STK32A: variants seen among roughly 807,000 people sequenced by gnomAD.
STK32A encodes serine/threonine kinase 32A, also known as serine/threonine-protein kinase 32A.
A neutral mutation model predicts 53.2 loss-of-function variants in STK32A; 41 were observed. The ratio of observed to expected loss-of-function variants is 0.77; its 90% CI spans 0.60 to 1.00. The LOEUF (loss-of-function observed/expected upper bound fraction) is 1.00, where lower values mean the gene tolerates loss of function less well. STK32A is among the 50% of genes least tolerant of loss of function. The pLI is 0.00. For missense variants in STK32A, 458 were observed against 485.8 expected (o/e 0.94, Z 0.54); for synonymous variants, 166 against 162.8 (o/e 1.02, Z -0.15).
chr5:147,257,521 G>C (rs1435727664), intron 2 of STK32A, among the ~76,000 whole-genome samples: 1 of 152,158 alleles, frequency 6.6e-6, no homozygotes, highest in Non-Finnish European at 1.5e-5. Flanking sequence ...AAGAGTAATA[G>C]AATAGATAAA....
intron 2 of STK32A, among the ~76,000 whole-genome samples, chr5:147,269,317 A>G (rs867836381): frequency 6.6e-6 from 1 of 152,202 alleles, no homozygotes; most frequent in African/African-American, 2.4e-5. Context: ...CACCTAGCAC[A>G]ATGGCTGTTA....
intron 2 of STK32A, among the ~76,000 whole-genome samples, chr5:147,246,525 A>T (rs1331829478): frequency 6.6e-6 from 1 of 152,206 alleles, no homozygotes; most frequent in Non-Finnish European, 1.5e-5. Context: ...TTTAATATTT[A>T]TTTCAAAATG....
At position 147,373,346 on chromosome 5, in the gene STK32A, G is replaced by A. The variant is rs185870114; in HGVS notation, c.903+52G>A. 48 of 1,600,632 alleles carry A rather than the reference G, an allele frequency of 3.0e-5. No individual in the cohort carries two copies. The East Asian group carries it at 4.3e-4, about 14-fold the overall frequency. On this transcript the variant is annotated intron_variant, in intron 10 of 12. Coordinates refer to ENST00000397936, the MANE Select transcript of STK32A (RefSeq NM_001112724.2). ...AACTCCCATTCAGTGCGCATTACCC[G>A]GTGTGCCAGATTCACACATTGTCTC... is the stretch of plus-strand genomic sequence containing the variant.
intron 1 of STK32A, among the ~76,000 whole-genome samples, chr5:147,238,433 T>C (rs1254246247): frequency 6.6e-6 from 1 of 152,208 alleles, no homozygotes; most frequent in Non-Finnish European, 1.5e-5. Context: ...GTTACATAAC[T>C]GGGCCAAAGG....
chr5:147,243,422 T>C lies in STK32A; in HGVS notation c.52+3736T>C, dbSNP rs188160626. ...TAATTTTATTAGTTACTTATGTTGA[T>C]CTTTATTCAGCAAAAACAAAGTAGG... On this transcript the variant is annotated intron_variant, in intron 2 of 12. Transcript: ENST00000397936. Among the ~76,000 whole-genome samples, 2 of 120,794 alleles carry C rather than the reference T, an allele frequency of 1.7e-5. 1 individual carries two copies. Among genetic ancestry groups the C allele is most frequent in the African/African-American group, 6.1e-5 (2 of 32,688 alleles). 79.2% of individuals were successfully genotyped at this position (120,794 alleles called of 152,430 possible).
At chr5:147,377,539 A>ACTCTGGAAATCAGGTTC (rs1285081394) in intron 11 of STK32A, among the ~76,000 whole-genome samples, 17 of 151,920 alleles carry the variant, frequency 1.1e-4, no homozygotes, top group Admixed American at 5.9e-4. Flanking sequence ...TAATGTGGTA[A>ACTCTGGAAATCAGGTTC]CTCTGGAAAT....
chr5:147,279,418 C>A lies in STK32A; in HGVS notation c.260+20C>A. On this transcript the variant is annotated intron_variant, in intron 4 of 12. Transcript: ENST00000397936. ...TTTGTGGTGAGTAATTTTACTGGAC[C>A]TCTGAATAGAGACACTCCTGTTATC... 1 of 1,554,128 alleles carries A rather than the reference C, an allele frequency of 6.4e-7. No homozygotes were observed. Among genetic ancestry groups the A allele is most frequent in the Non-Finnish European group, 8.7e-7 (1 of 1,148,346 alleles).
chr5:147,299,792 G>A (rs1002922919), intron 4 of STK32A, among the ~76,000 whole-genome samples: 3 of 152,252 alleles, frequency 2.0e-5, no homozygotes, highest in South Asian at 2.1e-4. Context: ...AAAAATTTAC[G>A]TTAAAGTAAC....
chr5:147,364,671 G>T (rs1338375207), intron 8 of STK32A, among the ~76,000 whole-genome samples: 1 of 152,162 alleles, frequency 6.6e-6, no homozygotes, highest in East Asian at 1.9e-4. Context: ...TTCCTGACTT[G>T]CAGACAGCTT....
At chr5:147,351,476 A>T (rs886568490) in intron 7 of STK32A, among the ~76,000 whole-genome samples, 10 of 152,154 alleles carry the variant, frequency 6.6e-5, no homozygotes, top group African/African-American at 2.4e-4. Context: ...GATGCCGGTG[A>T]CCCTGTAGAA....
At chr5:147,339,766 G>A (rs529060155) in intron 5 of STK32A, among the ~76,000 whole-genome samples, 23 of 152,342 alleles carry the variant, frequency 1.5e-4, no homozygotes, top group African/African-American at 5.5e-4. Context: ...CTGCCCTGCT[G>A]GATTTCAGAC....
intron 7 of STK32A, among the ~76,000 whole-genome samples, chr5:147,357,475 A>C (rs1440475152): frequency 6.6e-6 from 1 of 152,060 alleles, no homozygotes; most frequent in Non-Finnish European, 1.5e-5. Context: ...TATATAAATA[A>C]TTCTTGCCTT....
At chr5:147,315,569 G>C (rs906649699) in intron 4 of STK32A, among the ~76,000 whole-genome samples, 1 of 152,174 alleles carries the variant, frequency 6.6e-6, no homozygotes, top group Non-Finnish European at 1.5e-5. Flanking sequence ...CCAGGAGTTG[G>C]AGAGGAGGAA....
At chr5:147,395,237 G>A in the STK32A span, among the ~76,000 whole-genome samples, 5 of 152,312 alleles carry the variant, frequency 3.3e-5, no homozygotes, top group South Asian at 8.3e-4. Context: ...GCGCTCATAG[G>A]CTAATGCTGG....
At chr5:147,323,656 C>T (rs907384937) in intron 4 of STK32A, among the ~76,000 whole-genome samples, 1 of 152,144 alleles carries the variant, frequency 6.6e-6, no homozygotes, top group African/African-American at 2.4e-5. Context: ...TCAAGCATGA[C>T]AATAAGTATT....
the STK32A span, chr5:147,401,622 C>A: frequency 1.2e-6 from 2 of 1,614,048 alleles, no homozygotes; most frequent in South Asian, 2.2e-5. Context: ...GCCGCCTTGG[C>A]CCAGTTCTTG....
intron 1 of STK32A, among the ~76,000 whole-genome samples, chr5:147,238,933 G>A (rs1269727485): frequency 2.0e-5 from 3 of 152,162 alleles, no homozygotes; most frequent in African/African-American, 7.2e-5. Context: ...AGTTATATAT[G>A]TGTGTATTAT....
intron 7 of STK32A, among the ~76,000 whole-genome samples, chr5:147,354,018 G>GAGAA (rs1299878283): frequency 6.6e-6 from 1 of 151,524 alleles, no homozygotes; most frequent in Non-Finnish European, 1.5e-5. Flanking sequence ...GAGAGAGAGA[G>GAGAA]AGAGAGGAAA....
chr5:147,354,481 C>T (rs938248023), intron 7 of STK32A, among the ~76,000 whole-genome samples: 3 of 152,166 alleles, frequency 2.0e-5, no homozygotes, highest in African/African-American at 7.2e-5. Flanking sequence ...AGTCTTCTCA[C>T]AAGATAGAAC....
Sources: allele counts gnomAD v4.1 joint callset (sites outside exome capture counted in the v4.1 genomes callset), GRCh38; gene constraint gnomAD v4.1.1; transcripts MANE v1.5; gene names NCBI Gene and HGNC (gene_info 2026-07-23, HGNC 2026-07-21).